The following CCNY variants were observed in gnomAD, a reference collection of about 807,000 sequenced individuals.
CCNY encodes the protein cyclin-Y.
Under a neutral mutation model 42.8 loss-of-function variants are expected in CCNY, and 19 were observed. That is an observed-to-expected ratio of 0.44 (90% CI 0.31 to 0.65). The LOEUF is 0.65. CCNY is among the 30% of genes least tolerant of loss of function. CCNY has a pLI of 0.07. For missense variants in CCNY, 370 were observed against 437.3 expected, an observed-to-expected ratio of 0.85 and a Z score of 1.37; for synonymous variants, 165 against 162.7, an observed-to-expected ratio of 1.01 and a Z score of -0.11.
chr10:35,385,280 G>T (rs1453144854), intron 1 of CCNY, among the ~76,000 whole-genome samples: 1 of 152,164 alleles, frequency 6.6e-6, no homozygotes, highest in Non-Finnish European at 1.5e-5. Context: ...ATTTGCAGAA[G>T]GTGATTAACC....
intron 1 of CCNY, among the ~76,000 whole-genome samples, chr10:35,465,936 AGAGTGT>A (rs1364864562): frequency 1.1e-4 from 13 of 117,604 alleles, no homozygotes; most frequent in East Asian, 5.2e-4. Context: ...AGAGAGAGAG[AGAGTGT>A]GTGTGTGTGT....
rs577732777 is a variant in CCNY at position 35,544,907 on chromosome 10, A to G, written c.580-8112A>G. 3.3e-5 allele frequency among the ~76,000 whole-genome samples: 5 copies of G among 152,266 alleles called. No individual in the cohort carries two copies. The East Asian group carries it at 7.7e-4, about 24-fold the overall frequency. On this transcript the variant is annotated intron_variant, in intron 7 of 9. Transcript: ENST00000374704. ...GTTTTGTTCTTTCTCTTCTGCTTAT[A>G]TACATTTTTAGGTAGATGATCAGGA... is the stretch of plus-strand genomic sequence containing the variant.
chr10:35,480,266 G>A (rs1258137744), intron 1 of CCNY, among the ~76,000 whole-genome samples: 4 of 152,168 alleles, frequency 2.6e-5, no homozygotes, highest in African/African-American at 7.2e-5. Context: ...TGAAGGAAAC[G>A]TGACAGGGTT....
intron 2 of CCNY, among the ~76,000 whole-genome samples, chr10:35,497,503 C>T (rs915793597): frequency 3.9e-5 from 6 of 152,008 alleles, no homozygotes; most frequent in African/African-American, 9.7e-5. Context: ...TTTGGGAGGC[C>T]GAGGCAGGTG....
intron 1 of CCNY, among the ~76,000 whole-genome samples, chr10:35,440,207 G>A (rs1326782789): frequency 6.6e-6 from 1 of 152,176 alleles, no homozygotes; most frequent in Non-Finnish European, 1.5e-5. Flanking sequence ...GACAGAGAGA[G>A]CAGGTGTTCT....
At chr10:35,374,894 A>G (rs1837016374) in intron 1 of CCNY, among the ~76,000 whole-genome samples, 1 of 152,186 alleles carries the variant, frequency 6.6e-6, no homozygotes, top group Non-Finnish European at 1.5e-5. Context: ...ACTTGTCACT[A>G]AGTGATACTA....
At chr10:35,553,286 A>C in intron 8 of CCNY, 101 bp downstream of exon 8, 1 of 1,163,124 alleles carries the variant, frequency 8.6e-7, no homozygotes, top group Non-Finnish European at 1.2e-6. Flanking sequence ...CGCAGAATGC[A>C]TGCATTTGAC....
intron 1 of CCNY, among the ~76,000 whole-genome samples, chr10:35,463,037 C>T (rs1839189421): frequency 6.6e-6 from 1 of 152,194 alleles, no homozygotes; most frequent in South Asian, 2.1e-4. Context: ...AGGTGTGTCT[C>T]CTTGACACTG....
chr10:35,475,949 C>A (rs1238313072), intron 1 of CCNY, among the ~76,000 whole-genome samples: 3 of 152,036 alleles, frequency 2.0e-5, no homozygotes, highest in African/African-American at 7.2e-5. Flanking sequence ...GGAAGATCTG[C>A]CAAGCAAATG....
chr10:35,309,397 G>T (rs1835654141), intron 3 of CCNY, among the ~76,000 whole-genome samples: 1 of 152,158 alleles, frequency 6.6e-6, no homozygotes, highest in African/African-American at 2.4e-5. Context: ...GCTTGTGGAT[G>T]ACAGGTGGAG....
chr10:35,299,672 C>G (rs1321257047), intron 3 of CCNY, among the ~76,000 whole-genome samples: 3 of 152,104 alleles, frequency 2.0e-5, no homozygotes, highest in Non-Finnish European at 4.4e-5. Context: ...CTTGTAGACA[C>G]CAGAGAGTCA....
At chr10:35,537,355 C>T (rs1840907054) in intron 7 of CCNY, among the ~76,000 whole-genome samples, 1 of 152,204 alleles carries the variant, frequency 6.6e-6, no homozygotes, top group South Asian at 2.1e-4. Context: ...TCAGAGCCCC[C>T]ACACAGAGTC....
intron 7 of CCNY, among the ~76,000 whole-genome samples, chr10:35,545,629 A>C (rs1297658207): frequency 6.6e-6 from 1 of 152,168 alleles, no homozygotes; most frequent in Non-Finnish European, 1.5e-5. Context: ...ATTCTGAGGC[A>C]CTTGGGGTTA....
intron 1 of CCNY, among the ~76,000 whole-genome samples, chr10:35,368,145 A>T (rs1192999568): frequency 2.0e-5 from 3 of 152,204 alleles, no homozygotes; most frequent in Non-Finnish European, 4.4e-5. Flanking sequence ...TATTTGGGAA[A>T]TCAGCTTTGT....
At chr10:35,300,317 A>T (rs573912573) in intron 3 of CCNY, among the ~76,000 whole-genome samples, 1 of 151,968 alleles carries the variant, frequency 6.6e-6, no homozygotes, top group Middle Eastern at 3.4e-3. Context: ...CTGAGATGCC[A>T]CGCCCTGCCT....
chr10:35,354,495 G>A (rs1217164987), intron 1 of CCNY, among the ~76,000 whole-genome samples: 1 of 152,120 alleles, frequency 6.6e-6, no homozygotes, highest in Non-Finnish European at 1.5e-5. Context: ...GGAAGCCATA[G>A]TCTTATAACC....
intron 1 of CCNY, among the ~76,000 whole-genome samples, chr10:35,402,135 G>T (rs1837658514): frequency 1.3e-5 from 2 of 152,182 alleles, no homozygotes; most frequent in African/African-American, 4.8e-5. Context: ...GCTGCTTCAA[G>T]TGGGATTAGG....
intron 3 of CCNY, among the ~76,000 whole-genome samples, chr10:35,254,215 T>C (rs2095713971): frequency 6.6e-6 from 1 of 152,172 alleles, no homozygotes; most frequent in South Asian, 2.1e-4. Context: ...AATAGTCTTA[T>C]ACTAGTTTAT....
intron 1 of CCNY, among the ~76,000 whole-genome samples, chr10:35,347,200 G>A (rs768821391): frequency 4.6e-5 from 7 of 152,234 alleles, no homozygotes; most frequent in Non-Finnish European, 8.8e-5. Context: ...GCTTCACTGG[G>A]TATGGTGTAT....
Sources: allele counts gnomAD v4.1 joint callset (sites outside exome capture counted in the v4.1 genomes callset), GRCh38; gene constraint gnomAD v4.1.1; transcripts MANE v1.5; gene names NCBI Gene and HGNC (gene_info 2026-07-23, HGNC 2026-07-21).